The following CCDC91 variants were observed in gnomAD, a reference collection of about 807,000 sequenced individuals.
CCDC91 encodes coiled-coil domain-containing protein 91.
Under a neutral mutation model 63.2 loss-of-function variants are expected in CCDC91, and 48 were observed. The ratio of observed to expected loss-of-function variants is 0.76; its 90% CI spans 0.60 to 0.97. The LOEUF is 0.97. Ranked by LOEUF, CCDC91 falls within the 50% of genes least tolerant of loss-of-function variation. The pLI is 0.00. For synonymous variants in CCDC91, 167 were observed against 165.8 expected (o/e 1.01, Z -0.06); for missense variants, 500 against 494.6 (o/e 1.01, Z -0.10).
intron 11 of CCDC91, among the ~76,000 whole-genome samples, chr12:28,459,027 C>G (rs1251890731): frequency 1.3e-5 from 2 of 152,124 alleles, no homozygotes; most frequent in African/African-American, 4.8e-5. Flanking sequence ...CTTTACCTGT[C>G]TAGCTCGTCT....
chr12:28,389,094 C>T (rs772549679), intron 7 of CCDC91, among the ~76,000 whole-genome samples: 8 of 152,102 alleles, frequency 5.3e-5, no homozygotes, highest in Non-Finnish European at 8.8e-5. Context: ...AAATCTTCAC[C>T]ATCTGATTCA....
At chr12:28,532,528 A>C (rs552817782) in intron 12 of CCDC91, among the ~76,000 whole-genome samples, 59 of 152,222 alleles carry the variant, frequency 3.9e-4, no homozygotes, top group African/African-American at 1.4e-3. Flanking sequence ...AATGGGAGAG[A>C]CAGAGGGATG....
intron 6 of CCDC91, among the ~76,000 whole-genome samples, chr12:28,335,723 A>T (rs141695876): frequency 1.1e-4 from 17 of 152,092 alleles, no homozygotes; most frequent in African/African-American, 4.1e-4. Context: ...TTTAATTTTA[A>T]AAGTATTTTA....
At chr12:28,275,709 G>A (rs548264087) in intron 3 of CCDC91, among the ~76,000 whole-genome samples, 1 of 152,108 alleles carries the variant, frequency 6.6e-6, no homozygotes, top group Non-Finnish European at 1.5e-5. Flanking sequence ...GAACACCGAT[G>A]CAAAAATCCT....
chr12:28,541,233 A>G (rs1942608328), intron 12 of CCDC91, among the ~76,000 whole-genome samples: 1 of 152,150 alleles, frequency 6.6e-6, no homozygotes, highest in Non-Finnish European at 1.5e-5. Flanking sequence ...ACAAGTATTA[A>G]CAGTTAAAAC....
intron 6 of CCDC91, among the ~76,000 whole-genome samples, chr12:28,362,167 G>A (rs1943932233): frequency 6.6e-6 from 1 of 151,862 alleles, no homozygotes; most frequent in African/African-American, 2.4e-5. Flanking sequence ...ATGCCCCAAG[G>A]GAAAGTACCT....
intron 3 of CCDC91, among the ~76,000 whole-genome samples, chr12:28,303,050 A>G (rs1444497444): frequency 2.0e-5 from 3 of 152,138 alleles, no homozygotes; most frequent in African/African-American, 4.8e-5. Flanking sequence ...ATAGGAGATC[A>G]TGTGTAACAG....
At chr12:28,304,062 C>G (rs973037493) in intron 3 of CCDC91, among the ~76,000 whole-genome samples, 1 of 151,886 alleles carries the variant, frequency 6.6e-6, no homozygotes, top group Non-Finnish European at 1.5e-5. Flanking sequence ...TAAAATTTCA[C>G]TTTTCTGTAT....
chr12:28,338,417 CGTGAATCTTGAGT>C (rs1265847991), intron 6 of CCDC91, among the ~76,000 whole-genome samples: 2 of 151,738 alleles, frequency 1.3e-5, no homozygotes, highest in Non-Finnish European at 2.9e-5. Context: ...GTGCTTCACC[CGTGAATCTTGAGT>C]GTGTGTGTGG....
At chr12:28,426,259 G>C (rs1469103208) in intron 8 of CCDC91, among the ~76,000 whole-genome samples, 1 of 152,012 alleles carries the variant, frequency 6.6e-6, no homozygotes, top group African/African-American at 2.4e-5. Context: ...GTTTTGTGTA[G>C]TTTGAATATA....
chr12:28,229,865 A>G (rs1678998854), intron 1 of CCDC91, among the ~76,000 whole-genome samples: 1 of 152,130 alleles, frequency 6.6e-6, no homozygotes, highest in Non-Finnish European at 1.5e-5. Context: ...TTTTGGGTTG[A>G]CAAAATTAAG....
At chr12:28,349,364 T>C (rs1211164464) in intron 6 of CCDC91, among the ~76,000 whole-genome samples, 3 of 152,144 alleles carry the variant, frequency 2.0e-5, no homozygotes, top group African/African-American at 4.8e-5. Flanking sequence ...TGGGGCATGA[T>C]GTAGAGCAGA....
At chr12:28,335,189 A>C (rs1038774522) in intron 6 of CCDC91, among the ~76,000 whole-genome samples, 1 of 137,838 alleles carries the variant, frequency 7.3e-6, no homozygotes, top group Non-Finnish European at 1.6e-5. Flanking sequence ...TATAAATATT[A>C]TATTTATAAA....
chr12:28,202,278 T>G (rs138466829), intron 1 of CCDC91, among the ~76,000 whole-genome samples: 1 of 152,202 alleles, frequency 6.6e-6, no homozygotes, highest in African/African-American at 2.4e-5. Context: ...TTAGGGACAA[T>G]TAACTGCCTT....
intron 8 of CCDC91, among the ~76,000 whole-genome samples, chr12:28,422,842 G>A (rs377381410): frequency 6.6e-6 from 1 of 152,082 alleles, no homozygotes; most frequent in Non-Finnish European, 1.5e-5. Flanking sequence ...ACCAGGGAAA[G>A]AATCGTCCTA....
chr12:28,224,862 G>C (rs1022412781), intron 1 of CCDC91, among the ~76,000 whole-genome samples: 11 of 152,032 alleles, frequency 7.2e-5, no homozygotes, highest in African/African-American at 2.7e-4. Flanking sequence ...GAATTACAAC[G>C]GTAAATAATC....
intron 1 of CCDC91, among the ~76,000 whole-genome samples, chr12:28,224,346 C>T (rs1370735428): frequency 1.3e-5 from 2 of 152,026 alleles, no homozygotes; most frequent in African/African-American, 4.8e-5. Flanking sequence ...TATTTTTGTC[C>T]ATTTTGTGTA....
intron 3 of CCDC91, among the ~76,000 whole-genome samples, chr12:28,288,794 T>A (rs1004686834): frequency 2.0e-5 from 3 of 152,184 alleles, no homozygotes; most frequent in Non-Finnish European, 4.4e-5. Flanking sequence ...AGAATTCAGA[T>A]GTGGATATGT....
At chr12:28,432,087 T>G (rs530654362) in intron 8 of CCDC91, among the ~76,000 whole-genome samples, 14 of 152,222 alleles carry the variant, frequency 9.2e-5, no homozygotes, top group Non-Finnish European at 1.3e-4. Flanking sequence ...TAAATTAAAT[T>G]TAATTTAATT....
Sources: allele counts gnomAD v4.1 joint callset (sites outside exome capture counted in the v4.1 genomes callset), GRCh38; gene constraint gnomAD v4.1.1; transcripts MANE v1.5; gene names NCBI Gene and HGNC (gene_info 2026-07-23, HGNC 2026-07-21).